RIMBP2: variants seen among roughly 807,000 people sequenced by gnomAD.
RIMBP2 encodes the protein RIMS-binding protein 2.
Under a neutral mutation model 118.6 loss-of-function variants are expected in RIMBP2, and 48 were observed. That is an observed-to-expected ratio of 0.40 (90% CI 0.32 to 0.51). The LOEUF (loss-of-function observed/expected upper bound fraction) is 0.51, where lower values mean the gene tolerates loss of function less well. Ranked by LOEUF, RIMBP2 falls within the 20% of genes least tolerant of loss-of-function variation. The pLI, the probability that RIMBP2 is intolerant of heterozygous loss-of-function variation, is 0.41. For synonymous variants in RIMBP2, 762 were observed against 742.9 expected, an observed-to-expected ratio of 1.03 and a Z score of -0.42; for missense variants, 1,551 against 1,768.3, an observed-to-expected ratio of 0.88 and a Z score of 2.20.
chr12:130,414,389 G>T, intron 17 of RIMBP2, 83 bp from the exon 18 acceptor site: 1 of 1,373,164 alleles, frequency 7.3e-7, no homozygotes, highest in Non-Finnish European at 9.9e-7. Flanking sequence ...TTGGAAAGCA[G>T]TGAGGATGGC....
intron 1 of RIMBP2, among the ~76,000 whole-genome samples, chr12:130,664,410 C>CACGCACGCACACACGCACACACAT (rs2063798224): frequency 3.8e-5 from 3 of 79,752 alleles, no homozygotes; most frequent in Admixed American, 1.1e-4. Flanking sequence ...CACGCACGCA[C>CACGCACGCACACACGCACACACAT]GCACACACAC....
intron 1 of RIMBP2, among the ~76,000 whole-genome samples, chr12:130,645,792 A>T (rs571951141): frequency 2.0e-5 from 3 of 152,176 alleles, no homozygotes; most frequent in Non-Finnish European, 4.4e-5. Flanking sequence ...TGCTTTTTAT[A>T]TTTAAGCCAC....
chr12:130,437,060 C>G lies in RIMBP2; in HGVS notation c.1888G>C (p.Glu630Gln), dbSNP rs767903221. 3 of 1,573,710 alleles carry G rather than the reference C, an allele frequency of 1.9e-6. No homozygotes were observed. Among genetic ancestry groups the G allele is most frequent in the African/African-American group, 1.4e-5 (1 of 73,902 alleles). ...ASSGVPETKD[E>Q]HLGPHARMDE... ...ATCCTGGCGTGGGGACCCAGGTGCTCGTCTTTGGTTTCGGGGACTCCAGAA... is the reference window on the plus strand; with the variant it reads ...ATCCTGGCGTGGGGACCCAGGTGCTGGTCTTTGGTTTCGGGGACTCCAGAA... The change falls in exon 13 of 23, where the codon GAG (glutamate) becomes CAG (glutamine). Residue 630 changes from glutamate (E) to glutamine (Q), a missense_variant. Around this residue, in one of 5 missense-constraint regions of RIMBP2, gnomAD observed 1,038 missense variants for 1,125.1 expected, o/e 0.92. Transcript: ENST00000690449.
In RIMBP2 at chr12:130,476,163, C is replaced by T. The variant is rs543898634; in HGVS notation, c.102+2749G>A. Among the ~76,000 whole-genome samples, 9 of 152,276 alleles carry T rather than the reference C, an allele frequency of 5.9e-5. 1 individual carries two copies. The South Asian group carries it at 1.9e-3, about 32-fold the overall frequency. On this transcript the variant is annotated intron_variant, in intron 5 of 22. Coordinates refer to ENST00000690449, the MANE Select transcript of RIMBP2 (RefSeq NM_001393629.1). ...TATCCTTGGAGGCCATAAGCTCAAA[C>T]TGGGCCTCCGGGTCAAAGAAAACGA... is the stretch of plus-strand genomic sequence containing the variant.
intron 2 of RIMBP2, among the ~76,000 whole-genome samples, chr12:130,519,433 A>G (rs1034819395): frequency 5.9e-5 from 9 of 152,234 alleles, no homozygotes; most frequent in African/African-American, 1.9e-4. Flanking sequence ...AACAATGATT[A>G]CCCAACCTTA....
At chr12:130,579,823 C>T (rs1490068650) in intron 2 of RIMBP2, among the ~76,000 whole-genome samples, 1 of 151,870 alleles carries the variant, frequency 6.6e-6, no homozygotes, top group Admixed American at 6.6e-5. Flanking sequence ...AGTTCCCTGG[C>T]CACAATATAG....
At chr12:130,563,361 C>G (rs1195092526) in intron 2 of RIMBP2, among the ~76,000 whole-genome samples, 1 of 152,208 alleles carries the variant, frequency 6.6e-6, no homozygotes, top group East Asian at 1.9e-4. Context: ...CATGAGAAGG[C>G]TAAATTGGTT....
chr12:130,690,076 G>C (rs2065243348), intron 1 of RIMBP2, among the ~76,000 whole-genome samples: 1 of 152,186 alleles, frequency 6.6e-6, no homozygotes, highest in Non-Finnish European at 1.5e-5. Context: ...GTGCCTTCGG[G>C]TCCTCACTTC....
chr12:130,493,455 C>T (rs2048836240), intron 4 of RIMBP2, among the ~76,000 whole-genome samples: 1 of 152,062 alleles, frequency 6.6e-6, no homozygotes, highest in South Asian at 2.1e-4. Flanking sequence ...GCTGGGATTA[C>T]AGGCGTGTAC....
At chr12:130,536,978 GAGA>G (rs561723077) in intron 2 of RIMBP2, among the ~76,000 whole-genome samples, 2 of 152,172 alleles carry the variant, frequency 1.3e-5, no homozygotes, top group Non-Finnish European at 2.9e-5. Flanking sequence ...CCCAAATTGG[GAGA>G]TATTCTGTAA....
In RIMBP2 at chr12:130,451,258, A is replaced by G; in HGVS notation, c.441T>C (p.Pro147=). ...PLPQPGDRPE[P]LSAKPTFLSR... is the part of the protein sequence containing the mutation. ...ACAGGAAGGTGGGCTTGGCGGACAGAGGCTCCGGCCTGTCACCAGGCTGCG... is the reference window on the plus strand; with the variant it reads ...ACAGGAAGGTGGGCTTGGCGGACAGGGGCTCCGGCCTGTCACCAGGCTGCG... Residue 147 remains proline (P), a synonymous_variant, in exon 8 of 23, where the codon CCT becomes CCC. Transcript: ENST00000690449. The G allele has an allele frequency of 6.2e-7, 1 of 1,614,208 alleles. No homozygotes were observed. The highest frequency in any genetic ancestry group is 8.5e-7 in the Non-Finnish European group (1 of 1,180,030).
intron 1 of RIMBP2, among the ~76,000 whole-genome samples, chr12:130,694,702 T>C (rs976618728): frequency 2.6e-5 from 4 of 152,158 alleles, no homozygotes; most frequent in African/African-American, 7.2e-5. Context: ...TTCCTTGCAG[T>C]TGTCATTGCT....
chr12:130,545,622 G>A (rs995672623), intron 2 of RIMBP2, among the ~76,000 whole-genome samples: 1 of 152,196 alleles, frequency 6.6e-6, no homozygotes, highest in Non-Finnish European at 1.5e-5. Flanking sequence ...TATCAGGTGC[G>A]TCCCTCTAGA....
Position 130,576,902 on chromosome 12 carries a change from G to A in RIMBP2, c.-217+51420C>T, listed in dbSNP as rs927510945. Among the ~76,000 whole-genome samples the A allele has an allele frequency of 3.9e-5, 6 of 152,170 alleles. No individual in the cohort carries two copies. The highest frequency in any genetic ancestry group is 2.1e-4 in the South Asian group (1 of 4,836). Reference sequence around the variant, plus strand: ...AGACCGACAGTGTGGCAGGAGTCGCGGGGTGGAACAGGAACTTCTGGACAG... The same window carrying A: ...AGACCGACAGTGTGGCAGGAGTCGCAGGGTGGAACAGGAACTTCTGGACAG... On this transcript the variant is annotated intron_variant, in intron 2 of 22. Transcript: ENST00000690449. The surrounding 1 kb of genome is among the most constrained non-coding windows in gnomAD (Gnocchi z 4.2).
At chr12:130,477,049 C>G (rs774430024) in intron 5 of RIMBP2, among the ~76,000 whole-genome samples, 4 of 152,218 alleles carry the variant, frequency 2.6e-5, no homozygotes, top group Admixed American at 1.3e-4. Flanking sequence ...ATCAAAGCCT[C>G]TAGAAATTAC....
chr12:130,553,317 C>A (rs1236293634), intron 2 of RIMBP2, among the ~76,000 whole-genome samples: 1 of 152,100 alleles, frequency 6.6e-6, no homozygotes, highest in East Asian at 1.9e-4. Flanking sequence ...CTATCAAATG[C>A]CTCTTTCTGC....
At chr12:130,705,705 C>A (rs2066078475) in intron 1 of RIMBP2, among the ~76,000 whole-genome samples, 1 of 152,262 alleles carries the variant, frequency 6.6e-6, no homozygotes, top group South Asian at 2.1e-4. Flanking sequence ...GAGTGAACTG[C>A]TGCAGGGCCA....
At chr12:130,686,203 T>C (rs2065035113) in intron 1 of RIMBP2, among the ~76,000 whole-genome samples, 1 of 152,090 alleles carries the variant, frequency 6.6e-6, no homozygotes, top group Non-Finnish European at 1.5e-5. Context: ...GCCATAGGGA[T>C]CAGTTACAAT....
chr12:130,397,977 T>C (rs1399236399), intron 22 of RIMBP2: 1 of 153,312 alleles, frequency 6.5e-6, no homozygotes, highest in Non-Finnish European at 1.5e-5. Context: ...ATCCTGATAT[T>C]GTTAAAGTGC....
Sources: allele counts gnomAD v4.1 joint callset (sites outside exome capture counted in the v4.1 genomes callset), GRCh38; gene constraint gnomAD v4.1.1; regional missense constraint gnomAD v4.1.1; non-coding constraint Gnocchi (gnomAD v3.1); transcripts MANE v1.5; gene names NCBI Gene and HGNC (gene_info 2026-07-23, HGNC 2026-07-21).